SLX4: variants seen among roughly 807,000 people sequenced by gnomAD.
SLX4 encodes the protein SLX4 structure-specific endonuclease subunit.
Under a neutral mutation model 146.2 loss-of-function variants are expected in SLX4, and 112 were observed. The ratio of observed to expected loss-of-function variants is 0.77; its 90% CI spans 0.66 to 0.90. The LOEUF (loss-of-function observed/expected upper bound fraction) is 0.90, where lower values mean the gene tolerates loss of function less well. Ranked by LOEUF, SLX4 falls within the 40% of genes least tolerant of loss-of-function variation. The pLI, the probability that SLX4 is intolerant of heterozygous loss-of-function variation, is 0.00. For synonymous variants in SLX4, 1,061 were observed against 997.7 expected (o/e 1.06, Z -1.20); for missense variants, 2,563 against 2,392.7 (o/e 1.07, Z -1.49).
intron 9 of SLX4, among the ~76,000 whole-genome samples, chr16:3,595,338 G>C (rs2040638869): frequency 6.6e-6 from 1 of 152,204 alleles, no homozygotes; most frequent in South Asian, 2.1e-4. Context: ...GCAGGCTCTG[G>C]GGCCTCAACC....
rs1337773661 is a variant in SLX4 at position 3,584,681 on chromosome 16, G to A, written c.4739+88C>T. 19 of 1,029,778 alleles carry A rather than the reference G, an allele frequency of 1.8e-5. No homozygotes were observed. In the East Asian group the frequency reaches 4.5e-4, roughly 24 times the overall value. 63.8% of individuals were successfully genotyped at this position (1,029,778 alleles called of 1,614,324 possible). On this transcript the variant is annotated intron_variant, in intron 13 of 14. Transcript: ENST00000294008. ...CCACCAGACCCAGAGACCACACGGG[G>A]GGCCCTTCCGCCCCCAGGTGTGTGA...
intron 5 of SLX4, among the ~76,000 whole-genome samples, chr16:3,598,388 T>G (rs1164199362): frequency 6.6e-6 from 1 of 152,158 alleles, no homozygotes; most frequent in Non-Finnish European, 1.5e-5. Context: ...CCTTACACGG[T>G]CCTGGCCACA....
intron 10 of SLX4, 69 bp downstream of exon 10, chr16:3,594,384 G>A: frequency 6.4e-7 from 1 of 1,561,352 alleles, no homozygotes. Context: ...GGGAAGACCT[G>A]GTTGGAGAAA....
chr16:3,595,658 C>A lies in SLX4; in HGVS notation c.1960G>T (p.Gly654Trp). ...TTGTCCTGCGATGGCACCACAAACC[C>A]AGTCAGAGGAAGGCCGCCGGGCACC... ...DVVPGGLPLT[G>W]FVVPSQDKHP... The change falls in exon 9 of 15, where the codon GGG becomes TGG. Residue 654 changes from glycine (G) to tryptophan (W), a missense_variant. Gly to Trp is a radical substitution (Grantham distance 184, BLOSUM62 -2). Transcript: ENST00000294008. 1.2e-6 allele frequency: 2 copies of A among 1,614,112 alleles called. No homozygotes were observed. Among genetic ancestry groups the A allele is most frequent in the Non-Finnish European group, 1.7e-6 (2 of 1,180,034 alleles).
chr16:3,601,383 T>C, intron 4 of SLX4, 192 bp from the exon 5 acceptor site: 2 of 633,492 alleles, frequency 3.2e-6, no homozygotes, highest in South Asian at 1.8e-5. Flanking sequence ...GTCAGCAAAG[T>C]TGGCTAAAGA....
Position 3,582,480 on chromosome 16 carries a change from GC to G in SLX4, c.5366del (p.Gly1789AlafsTer94). ...ACAGCCTGCGCGAGGACACACGGAG[GC>G]CGTTCTGCCTCAGCTCTGCCTGCAG... Reference protein sequence around the residue: ...RELQAELRQNGLRVSSRRLLD... With the variant: ...RELQAELRQNXLRVSSRRLLD... On this transcript the variant is annotated frameshift_variant, in exon 15 of 15. Transcript: ENST00000294008. LOFTEE classifies it low-confidence loss of function (END_TRUNC). 6.2e-7 allele frequency: 1 copy of G among 1,614,044 alleles called. No homozygotes were observed. The highest frequency in any genetic ancestry group is 8.5e-7 in the Non-Finnish European group (1 of 1,180,042).
intron 3 of SLX4, 133 bp from the exon 4 acceptor site, chr16:3,602,440 T>G: frequency 9.9e-7 from 1 of 1,009,232 alleles, no homozygotes; most frequent in Non-Finnish European, 1.5e-6. Context: ...AGCTCCACTC[T>G]GCAGGCTGGT....
intron 3 of SLX4, 149 bp downstream of exon 3, chr16:3,606,325 C>T: frequency 1.2e-6 from 1 of 866,556 alleles, no homozygotes; most frequent in South Asian, 1.4e-5. Flanking sequence ...CATTCTCTGG[C>T]TGGATCCAGT....
At chr16:3,601,212 C>T (rs983997425) in intron 4 of SLX4, 21 bp from the exon 5 acceptor site, 4 of 1,612,488 alleles carry the variant, frequency 2.5e-6, no homozygotes, top group African/African-American at 1.3e-5. Flanking sequence ...ACAGTCAATA[C>T]AGGAGAACCA....
At position 3,590,386 on chromosome 16, in the gene SLX4, C is replaced by A. The variant is rs1473291870; in HGVS notation, c.3252G>T (p.Arg1084Ser). ...TAGACAGCGTGAGGATGCTCCTGTCCCTTTTCTGCTTTGATGGCACAGCTG... is the reference window on the plus strand; with the variant it reads ...TAGACAGCGTGAGGATGCTCCTGTCACTTTTCTGCTTTGATGGCACAGCTG... ...LSPAVPSKQK[R>S]DRSILTLSKE... Residue 1084 changes from arginine (R) to serine (S), a missense_variant, in exon 12 of 15, where the codon AGG (arginine) becomes AGT (serine). Coordinates refer to ENST00000294008, the MANE Select transcript of SLX4 (RefSeq NM_032444.4). This position sits in a 1 kb window ranked among gnomAD's most constrained non-coding sequence, Gnocchi z 4.8. 1.2e-6 allele frequency: 2 copies of A among 1,614,110 alleles called. No homozygotes were observed. The highest frequency in any genetic ancestry group is 1.7e-6 in the Non-Finnish European group (2 of 1,180,052).
chr16:3,582,391 T>C lies in SLX4; in HGVS notation c.5456A>G (p.Gln1819Arg). 4 of 1,613,858 alleles carry C rather than the reference T, an allele frequency of 2.5e-6. No individual in the cohort carries two copies. Among genetic ancestry groups the C allele is most frequent in the Non-Finnish European group, 3.4e-6 (4 of 1,180,034 alleles). Residue 1819 changes from glutamine to arginine, a missense_variant, in exon 15 of 15, where the codon CAG becomes CGG. Gln to Arg is a conservative substitution (Grantham distance 43). Coordinates refer to ENST00000294008, the MANE Select transcript of SLX4 (RefSeq NM_032444.4). ...GCCCCGAGGCTGCCGCCTCCTGCCC[T>C]GGAGCTTCTCCCTGCGGGTGGCGGC... is the stretch of plus-strand genomic sequence containing the variant. ...TTAATRREKL[Q>R]GRRRQPRGKK... is the part of the protein sequence containing the mutation.
intron 2 of SLX4, 54 bp from the exon 3 acceptor site, chr16:3,606,752 AC>A: frequency 6.3e-7 from 1 of 1,591,312 alleles, no homozygotes; most frequent in Admixed American, 1.7e-5. Flanking sequence ...GAAATAAAAG[AC>A]TTTTCTACCA....
At position 3,597,927 on chromosome 16, in the gene SLX4, C is replaced by T. The variant is rs918383597; in HGVS notation, c.1236G>A (p.Lys412=). Residue 412 remains lysine, a synonymous_variant, in exon 6 of 15, where the codon AAG becomes AAA. Transcript: ENST00000294008. This position sits in a 1 kb window ranked among gnomAD's most constrained non-coding sequence, Gnocchi z 4.4. ...GGTCCTCGGACGGTGCCTCGTCCAC[C>T]TTCCGCCTCTTCCGTGGCTCCTTCT... ...TSKKEPRKRR[K]VDEAPSEDLL... The T allele has an allele frequency of 5.0e-6, 8 of 1,614,060 alleles. No individual in the cohort carries two copies. In the Admixed American group the frequency reaches 1.3e-4, roughly 27 times the overall value.
intron 3 of SLX4, among the ~76,000 whole-genome samples, chr16:3,604,346 C>A (rs773216063): frequency 7.9e-5 from 12 of 151,532 alleles, no homozygotes; most frequent in Non-Finnish European, 1.6e-4. Context: ...AATCCTTGTT[C>A]AGAAAAAAAA....
chr16:3,606,580 T>G lies in SLX4; in HGVS notation c.654A>C (p.Arg218Ser). 2.5e-6 allele frequency: 4 copies of G among 1,614,156 alleles called. No homozygotes were observed. The highest frequency in any genetic ancestry group is 3.4e-6 in the Non-Finnish European group (4 of 1,180,018). The stretch of plus-strand genomic sequence containing the variant: ...CGTGTCTCAAACGCTCGGGGTCTGC[T>G]CTCTTGAACTGCTGCATTCGCTGTA... The part of the protein sequence containing the change: ...LVLQRMQQFK[R>S]ADPERLRHAS... Residue 218 changes from arginine (R) to serine (S), a missense_variant, in exon 3 of 15, where the codon AGA (arginine) becomes AGC (serine). Arg to Ser is a moderately radical substitution (Grantham distance 110). Transcript: ENST00000294008.
At position 3,589,544 on chromosome 16, in the gene SLX4, T is replaced by C. The variant is rs2151122121; in HGVS notation, c.4094A>G (p.Asp1365Gly). 6.2e-7 allele frequency: 1 copy of C among 1,610,110 alleles called. No homozygotes were observed. The highest frequency in any genetic ancestry group is 8.5e-7 in the Non-Finnish European group (1 of 1,177,602). ...SPLAPHPISG[D>G]RAHFSRRFLK... ...GAACCGCCTGCTGAAGTGGGCGCGG[T>C]CCCCTGAGATGGGATGTGGAGCCAG... The change falls in exon 12 of 15, where the codon GAC (aspartate) becomes GGC (glycine). Residue 1365 changes from aspartate (D) to glycine (G), a missense_variant. Transcript: ENST00000294008. This position sits in a 1 kb window ranked among gnomAD's most constrained non-coding sequence, Gnocchi z 6.2.
At chr16:3,603,112 G>A (rs766602124) in intron 3 of SLX4, among the ~76,000 whole-genome samples, 11 of 152,166 alleles carry the variant, frequency 7.2e-5, no homozygotes, top group East Asian at 1.9e-4. Context: ...GGAGTGCAAC[G>A]ACGCGATCTC....
intron 2 of SLX4, among the ~76,000 whole-genome samples, 164 bp from the exon 3 acceptor site, chr16:3,606,862 G>C (rs2040791635): frequency 6.6e-6 from 1 of 152,164 alleles, no homozygotes; most frequent in Non-Finnish European, 1.5e-5. Flanking sequence ...TAACCTCTTT[G>C]TTTATGGCAA....
At position 3,589,092 on chromosome 16, in the gene SLX4, C is replaced by T. The variant is rs775915651; in HGVS notation, c.4546G>A (p.Gly1516Arg). ...LNSALWDVWDGEEQRPPETPP... is the reference protein window; with the variant it reads ...LNSALWDVWDREEQRPPETPP... ...GTCTCTGGAGGCCTCTGCTCTTCCCCGTCCCAAACGTCCCACAGAGCCGAA... is the reference window on the plus strand; with the variant it reads ...GTCTCTGGAGGCCTCTGCTCTTCCCTGTCCCAAACGTCCCACAGAGCCGAA... The change falls in exon 12 of 15, where the codon GGG becomes AGG. Residue 1516 changes from glycine to arginine, a missense_variant. Coordinates refer to ENST00000294008, the MANE Select transcript of SLX4 (RefSeq NM_032444.4). The surrounding 1 kb of genome is among the most constrained non-coding windows in gnomAD (Gnocchi z 6.2). The T allele has an allele frequency of 4.1e-5, 66 of 1,613,970 alleles. No individual in the cohort carries two copies. Among genetic ancestry groups the T allele is most frequent in the Non-Finnish European group, 5.2e-5 (61 of 1,180,048 alleles).
Sources: allele counts gnomAD v4.1 joint callset (sites outside exome capture counted in the v4.1 genomes callset), GRCh38; gene constraint gnomAD v4.1.1; non-coding constraint Gnocchi (gnomAD v3.1); transcripts MANE v1.5; gene names NCBI Gene and HGNC (gene_info 2026-07-23, HGNC 2026-07-21).